WHRN: variants seen among roughly 807,000 people sequenced by gnomAD.
WHRN encodes CASK-interacting protein CIP98.
In WHRN, 41 loss-of-function variants were observed where a neutral mutation model predicts 68.3. The observed-to-expected ratio is 0.60, with a 90% confidence interval of 0.47 to 0.78. WHRN has a LOEUF of 0.78. Among genes scored for constraint, WHRN ranks in the 30% least tolerant of loss-of-function variants. The pLI is 0.00. For missense variants in WHRN, 1,243 were observed against 1,244.7 expected (o/e 1.00, Z 0.02); for synonymous variants, 560 against 561.3 (o/e 1.00, Z 0.03).
intron 1 of WHRN, among the ~76,000 whole-genome samples, chr9:114,489,986 G>A (rs546397832): frequency 3.9e-5 from 6 of 152,274 alleles, no homozygotes; most frequent in Non-Finnish European, 8.8e-5. Flanking sequence ...GACATAACTG[G>A]GCAATGGTGT....
chr9:114,430,333 T>C (rs1837304477), intron 3 of WHRN, among the ~76,000 whole-genome samples: 1 of 152,338 alleles, frequency 6.6e-6, no homozygotes, highest in Non-Finnish European at 1.5e-5. Context: ...AAAATATACA[T>C]ATGTCCCAAA....
chr9:114,504,492 G>C lies in WHRN; in HGVS notation c.310C>G (p.Leu104Val), dbSNP rs2133478444. Residue 104 changes from leucine (L) to valine (V), a missense_variant, in exon 1 of 12, where the codon CTG becomes GTG. Coordinates refer to ENST00000362057, the MANE Select transcript of WHRN (RefSeq NM_015404.4). ...TCGGCCGTGTATTGGTCGAAGAGCA[G>C]CTGGTCGGAGCGCGGGATGACCAGA... is the stretch of plus-strand genomic sequence containing the variant. ...LRLVIPRSDQ[L>V]LFDQYTAEGL... 6 of 1,608,884 alleles carry C rather than the reference G, an allele frequency of 3.7e-6. No individual in the cohort carries two copies. Among genetic ancestry groups the C allele is most frequent in the Non-Finnish European group, 5.1e-6 (6 of 1,179,804 alleles).
chr9:114,467,061 C>T (rs963053881), intron 2 of WHRN, among the ~76,000 whole-genome samples: 4 of 151,626 alleles, frequency 2.6e-5, no homozygotes, highest in African/African-American at 9.7e-5. Flanking sequence ...CTCTTATCAC[C>T]TCAGGGGTCT....
intron 9 of WHRN, 121 bp from the exon 10 acceptor site, chr9:114,404,198 G>A (rs1329490084): frequency 5.4e-6 from 6 of 1,106,962 alleles, no homozygotes; most frequent in African/African-American, 3.1e-5. Flanking sequence ...CAAAGATGGG[G>A]GAAGGAATGA....
intron 3 of WHRN, among the ~76,000 whole-genome samples, chr9:114,455,878 A>C (rs1417847174): frequency 6.6e-6 from 1 of 152,192 alleles, no homozygotes; most frequent in Non-Finnish European, 1.5e-5. Context: ...ACCAGACATC[A>C]CAGCTGAGCC....
intron 9 of WHRN, among the ~76,000 whole-genome samples, chr9:114,405,915 A>T (rs570436334): frequency 6.6e-6 from 1 of 152,278 alleles, no homozygotes; most frequent in African/African-American, 2.4e-5. Context: ...TTCTTCCTGC[A>T]CCCTGACCCT....
intron 7 of WHRN, among the ~76,000 whole-genome samples, chr9:114,418,020 G>A (rs137927468): frequency 8.9e-4 from 135 of 152,314 alleles, no homozygotes; most frequent in African/African-American, 3.2e-3. Context: ...GTACCGGTGT[G>A]GGGGTCCAGA....
At chr9:114,475,153 T>C (rs1424243634) in intron 2 of WHRN, among the ~76,000 whole-genome samples, 2 of 152,126 alleles carry the variant, frequency 1.3e-5, no homozygotes, top group Non-Finnish European at 2.9e-5. Flanking sequence ...CTTTGGGGTA[T>C]GTATCCAAAA....
At chr9:114,466,186 T>C in intron 3 of WHRN, 81 bp downstream of exon 3, 8 of 1,601,326 alleles carry the variant, frequency 5.0e-6, no homozygotes, top group Non-Finnish European at 6.8e-6. Context: ...GGAGTGCTGA[T>C]TGCTCTGCTG....
intron 1 of WHRN, among the ~76,000 whole-genome samples, chr9:114,500,868 T>G (rs1384793654): frequency 6.6e-6 from 1 of 152,246 alleles, no homozygotes; most frequent in East Asian, 1.9e-4. Flanking sequence ...ACCCATCAAT[T>G]TCCTGATATA....
intron 1 of WHRN, among the ~76,000 whole-genome samples, chr9:114,479,495 T>C (rs1467685073): frequency 1.3e-5 from 2 of 152,238 alleles, no homozygotes; most frequent in East Asian, 3.8e-4. Context: ...TGAATCCTGT[T>C]AGCCTTTCTA....
chr9:114,403,475 A>G, intron 10 of WHRN, 136 bp from the exon 11 acceptor site: 1 of 1,175,148 alleles, frequency 8.5e-7, no homozygotes, highest in Admixed American at 1.8e-5. Context: ...TCAGGTGTGC[A>G]ACGCACTAAG....
chr9:114,442,411 A>G (rs547978663), intron 3 of WHRN, among the ~76,000 whole-genome samples: 4 of 152,350 alleles, frequency 2.6e-5, no homozygotes, highest in African/African-American at 9.6e-5. Flanking sequence ...ATAAAGAGGC[A>G]TGAGATAGAC....
At chr9:114,498,413 T>A (rs574312763) in intron 1 of WHRN, among the ~76,000 whole-genome samples, 11 of 152,184 alleles carry the variant, frequency 7.2e-5, no homozygotes, top group Non-Finnish European at 1.5e-5. Flanking sequence ...CTGTAAATGC[T>A]GGGTGACCTG....
intron 3 of WHRN, among the ~76,000 whole-genome samples, chr9:114,440,893 T>C (rs999524420): frequency 2.0e-5 from 3 of 152,320 alleles, no homozygotes; most frequent in Middle Eastern, 3.4e-3. Context: ...AAAGCTTGAA[T>C]AACACCATAG....
At chr9:114,475,706 GAA>G (rs894133989) in intron 2 of WHRN, among the ~76,000 whole-genome samples, 5 of 152,172 alleles carry the variant, frequency 3.3e-5, no homozygotes, top group Non-Finnish European at 7.3e-5. Context: ...CTGCTGGAGA[GAA>G]GAGAATCAGA....
In WHRN at chr9:114,423,520, A is replaced by G; in HGVS notation, c.1420T>C (p.Ser474Pro). Residue 474 changes from serine to proline, a missense_variant, in exon 7 of 12, where the codon TCA becomes CCA. Ser to Pro is a moderately conservative substitution (Grantham distance 74). Coordinates refer to ENST00000362057, the MANE Select transcript of WHRN (RefSeq NM_015404.4). ...FKLLNTHAKF[S>P]LLSEVRGTIS... ...GTGCCTCTCACCTCAGAGAGGAGTG[A>G]GAACTGGAGGCGGGGACAAAAGGGG... 6.2e-7 allele frequency: 1 copy of G among 1,606,156 alleles called. No individual in the cohort carries two copies. Among genetic ancestry groups the G allele is most frequent in the Non-Finnish European group, 8.5e-7 (1 of 1,173,930 alleles).
chr9:114,415,099 C>G (rs1203131260), intron 7 of WHRN, among the ~76,000 whole-genome samples: 2 of 152,074 alleles, frequency 1.3e-5, no homozygotes, highest in Non-Finnish European at 2.9e-5. Flanking sequence ...AAGTTTGAGA[C>G]CAGCTTGGGC....
chr9:114,468,662 T>A (rs1840929847), intron 2 of WHRN, among the ~76,000 whole-genome samples: 1 of 152,056 alleles, frequency 6.6e-6, no homozygotes, highest in Non-Finnish European at 1.5e-5. Context: ...TCAGACAGAA[T>A]GACCACATTA....
Sources: gnomAD v4.1 joint callset for allele counts (sites outside exome capture counted in the v4.1 genomes callset) on GRCh38, gnomAD v4.1.1 for gene constraint, MANE v1.5 for transcripts, NCBI Gene and HGNC (gene_info 2026-07-23, HGNC 2026-07-21) for gene names.